SGTA: variants seen among roughly 807,000 people sequenced by gnomAD.
The protein encoded by SGTA is small glutamine-rich tetratricopeptide repeat-containing protein alpha.
SGTA carries 22 observed loss-of-function variants against 44.3 expected under a neutral mutation model. The observed-to-expected ratio is 0.50, with a 90% CI of 0.36 to 0.71. The LOEUF is 0.71. Ranked by LOEUF, SGTA falls within the 30% of genes least tolerant of loss-of-function variation. The pLI is 0.00. For missense variants in SGTA, 341 were observed against 435.9 expected (o/e 0.78, Z 1.94); for synonymous variants, 174 against 177.6 (o/e 0.98, Z 0.16).
Position 2,757,322 on chromosome 19 carries a change from GC to G in SGTA, c.*6+14del. 6.3e-7 allele frequency: 1 copy of G among 1,598,676 alleles called. No individual in the cohort carries two copies. ...CCTGCTGGCCACCCCCCAGCCCCCG[GC>G]CCCATGCACTCACGCAGCGTCACTC... On this transcript the variant is annotated intron_variant, in intron 11 of 11. Coordinates refer to ENST00000221566, the MANE Select transcript of SGTA (RefSeq NM_003021.4).
chr19:2,756,328 T>G (rs1267987479), intron 11 of SGTA, among the ~76,000 whole-genome samples: 6 of 151,832 alleles, frequency 4.0e-5, no homozygotes, highest in African/African-American at 1.5e-4. Flanking sequence ...AAGGTTGGGC[T>G]GAATGCACGG....
intron 9 of SGTA, 34 bp downstream of exon 9, chr19:2,759,223 C>A (rs747835117): frequency 6.2e-7 from 1 of 1,607,498 alleles, no homozygotes; most frequent in South Asian, 1.1e-5. Flanking sequence ...AATTTAACCA[C>A]AACAAGACCC....
At chr19:2,757,225 G>A in intron 11 of SGTA, 112 bp downstream of exon 11, 1 of 1,340,352 alleles carries the variant, frequency 7.5e-7, no homozygotes. Flanking sequence ...CCAGTGTCCA[G>A]ACAGGCTCCA....
chr19:2,760,401 C>A (rs531678621), intron 8 of SGTA, among the ~76,000 whole-genome samples: 1 of 151,384 alleles, frequency 6.6e-6, no homozygotes, highest in South Asian at 2.1e-4. Flanking sequence ...ACCTGTAATC[C>A]CAGCTACTCG....
intron 4 of SGTA, among the ~76,000 whole-genome samples, chr19:2,766,294 C>G (rs1915141312): frequency 6.6e-6 from 1 of 152,202 alleles, no homozygotes; most frequent in Non-Finnish European, 1.5e-5. Context: ...GTGATGTCTT[C>G]ACGGTGCATC....
rs1009108239 is a variant in SGTA, at chr19:2,767,990, G to A, written c.101-304C>T. On this transcript the variant is annotated intron_variant, in intron 2 of 11. Coordinates refer to ENST00000221566, the MANE Select transcript of SGTA (RefSeq NM_003021.4). The surrounding 1 kb of genome is among the most constrained non-coding windows in gnomAD (Gnocchi z 7.3). ...AATGCTGGGGCTGCCCGGCTGCGGC[G>A]TGGTGGGGGCTTGGCCCCACCTGGA... Among the ~76,000 whole-genome samples the A allele has an allele frequency of 6.6e-5, 10 of 152,182 alleles. No homozygotes were observed. The highest frequency in any genetic ancestry group is 2.2e-4 in the African/African-American group (9 of 41,446).
chr19:2,758,279 T>G (rs1196451343), intron 9 of SGTA, among the ~76,000 whole-genome samples: 1 of 152,178 alleles, frequency 6.6e-6, no homozygotes, highest in African/African-American at 2.4e-5. Context: ...CTGTCATCCC[T>G]GCACTTTGGG....
rs528047298 is a variant in SGTA at position 2,765,722 on chromosome 19, G to A, written c.293-437C>T. On this transcript the variant is annotated intron_variant, in intron 4 of 11. Coordinates refer to ENST00000221566, the MANE Select transcript of SGTA (RefSeq NM_003021.4). The surrounding 1 kb of genome is among the most constrained non-coding windows in gnomAD (Gnocchi z 5.5). ...ACCTTCTCATTTCATAGGCAATGGG[G>A]CTTCTATCTGAGGCATGGGTCCCAG... 1.5e-4 allele frequency among the ~76,000 whole-genome samples: 23 copies of A among 152,274 alleles called. No individual in the cohort carries two copies. In the East Asian group the frequency reaches 4.2e-3, roughly 28 times the overall value.
chr19:2,759,102 G>A (rs890311830), intron 9 of SGTA, among the ~76,000 whole-genome samples, 155 bp downstream of exon 9: 19 of 138,186 alleles, frequency 1.4e-4, no homozygotes, highest in African/African-American at 5.4e-4. Flanking sequence ...TTGCATGACA[G>A]TGTGATAGTG....
rs144833700 is a variant in SGTA, at chr19:2,769,002, C to G, written c.67G>C (p.Gly23Arg). ...QFLHDQLRHG[G>R]LSSDAQESLE... ...CTCTCCTGAGCATCGGACGAGAGGCCCCCGTGCCGGAGCTGGTCATGCAGG... is the reference window on the plus strand; with the variant it reads ...CTCTCCTGAGCATCGGACGAGAGGCGCCCGTGCCGGAGCTGGTCATGCAGG... The change falls in exon 2 of 12, where the codon GGC becomes CGC. Residue 23 changes from glycine (G) to arginine (R), a missense_variant. Physicochemically the swap from Gly to Arg is moderately radical, Grantham distance 125. Transcript: ENST00000221566. 4,099 of 1,613,900 alleles carry G rather than the reference C, an allele frequency of 2.5e-3. 8 individuals carry two copies. Among genetic ancestry groups the G allele is most frequent in the Non-Finnish European group, 3.2e-3 (3,816 of 1,179,902 alleles).
intron 4 of SGTA, among the ~76,000 whole-genome samples, 169 bp downstream of exon 4, chr19:2,766,955 ACCTCGCCAGTCC>A (rs908334957): frequency 4.0e-5 from 6 of 151,584 alleles, no homozygotes; most frequent in East Asian, 3.9e-4. Flanking sequence ...GTTTCTCTGC[ACCTCGCCAGTCC>A]CCTCGCCAGT....
At chr19:2,771,578 G>GA (rs1455656661) in intron 1 of SGTA, among the ~76,000 whole-genome samples, 4 of 147,150 alleles carry the variant, frequency 2.7e-5, no homozygotes, top group Non-Finnish European at 6.0e-5. Context: ...TCCCCATCGG[G>GA]GGGGGGGGGA....
chr19:2,759,013 G>C (rs1312437481), intron 9 of SGTA, among the ~76,000 whole-genome samples: 1 of 152,088 alleles, frequency 6.6e-6, no homozygotes, highest in Non-Finnish European at 1.5e-5. Flanking sequence ...AGGGGGAAGG[G>C]GCTTCTTTCG....
In SGTA at chr19:2,776,421, G is replaced by A. The variant is rs140952809; in HGVS notation, c.-24+6812C>T. ...AACATGGGCGGACCTTGAGGACGTC[G>A]CACTCAGTGAAATAAGCCAGAAACA... On this transcript the variant is annotated intron_variant, in intron 1 of 11. Transcript: ENST00000221566. Among the ~76,000 whole-genome samples the A allele has an allele frequency of 1.6e-4, 25 of 152,314 alleles. 1 individual carries two copies. The highest frequency in any genetic ancestry group is 2.6e-4 in the Admixed American group (4 of 15,304).
intron 1 of SGTA, among the ~76,000 whole-genome samples, chr19:2,776,610 C>T (rs967204990): frequency 6.6e-6 from 1 of 152,128 alleles, no homozygotes; most frequent in Non-Finnish European, 1.5e-5. Context: ...ATGATGGTGG[C>T]GATGGCTACA....
chr19:2,773,996 T>C (rs1568312522), intron 1 of SGTA, among the ~76,000 whole-genome samples: 1 of 150,624 alleles, frequency 6.6e-6, no homozygotes, highest in African/African-American at 2.5e-5. Flanking sequence ...AGGGCAGAGA[T>C]GGGTGACGCG....
intron 9 of SGTA, among the ~76,000 whole-genome samples, chr19:2,758,206 G>C (rs1318054001): frequency 6.6e-6 from 1 of 152,180 alleles, no homozygotes; most frequent in South Asian, 2.1e-4. Context: ...AAATGGCCAC[G>C]GTGCTGTGGC....
intron 1 of SGTA, among the ~76,000 whole-genome samples, chr19:2,779,742 C>T (rs529607984): frequency 4.3e-4 from 66 of 152,322 alleles, no homozygotes; most frequent in South Asian, 1.9e-3. Flanking sequence ...CACATCCCAC[C>T]TTTTCATTTT....
intron 1 of SGTA, among the ~76,000 whole-genome samples, chr19:2,782,811 C>T (rs1915601943): frequency 6.6e-6 from 1 of 152,162 alleles, no homozygotes; most frequent in Non-Finnish European, 1.5e-5. Flanking sequence ...AGAGGCTGGG[C>T]AAGGTCACCC....
Sources: gnomAD v4.1 joint callset for allele counts (sites outside exome capture counted in the v4.1 genomes callset) on GRCh38, gnomAD v4.1.1 for gene constraint, Gnocchi (gnomAD v3.1) non-coding constraint, MANE v1.5 for transcripts, NCBI Gene and HGNC (gene_info 2026-07-23, HGNC 2026-07-21) for gene names.